VAMP4: variants seen among roughly 807,000 people sequenced by gnomAD.
The protein encoded by VAMP4 is vesicle associated membrane protein 4.
VAMP4 carries 19 observed loss-of-function variants against 23.5 expected under a neutral mutation model. The ratio of observed to expected loss-of-function variants is 0.81; its 90% confidence interval spans 0.56 to 1.19. VAMP4 has a LOEUF of 1.19. VAMP4 is among the 50% of genes most tolerant of loss of function. The probability of loss-of-function intolerance (pLI) is 0.00; values close to 1 mark genes in which losing one functional copy is unlikely to be tolerated. For missense variants in VAMP4, 145 were observed against 168.6 expected (o/e 0.86, Z 0.78); for synonymous variants, 31 against 51.0 (o/e 0.61, Z 1.67).
intron 6 of VAMP4, among the ~76,000 whole-genome samples, chr1:171,707,146 G>T (rs1043597840): frequency 1.3e-5 from 2 of 152,036 alleles, no homozygotes; most frequent in African/African-American, 4.8e-5. Flanking sequence ...CAAATAACAT[G>T]AACAAAAATC....
chr1:171,730,584 T>G (rs1655528899), intron 2 of VAMP4, among the ~76,000 whole-genome samples: 1 of 151,822 alleles, frequency 6.6e-6, no homozygotes, highest in African/African-American at 2.4e-5. Flanking sequence ...GGACTAGAAT[T>G]AAAAAGTAAA....
chr1:171,715,066 G>A (rs1306572654), intron 4 of VAMP4, among the ~76,000 whole-genome samples: 1 of 152,134 alleles, frequency 6.6e-6, no homozygotes, highest in Non-Finnish European at 1.5e-5. Context: ...GGAAATATAT[G>A]TCAGAGGAGG....
At chr1:171,709,215 A>T (rs868336520) in intron 6 of VAMP4, among the ~76,000 whole-genome samples, 4 of 151,792 alleles carry the variant, frequency 2.6e-5, no homozygotes, top group African/African-American at 9.7e-5. Flanking sequence ...TTTTTTCTTA[A>T]CTCCATTTGT....
At chr1:171,737,087 C>G (rs1048178606) in intron 2 of VAMP4, among the ~76,000 whole-genome samples, 1 of 152,150 alleles carries the variant, frequency 6.6e-6, no homozygotes, top group African/African-American at 2.4e-5. Flanking sequence ...AAACTTATGA[C>G]TAAAAGTCAT....
chr1:171,717,579 A>G (rs1318893630), intron 4 of VAMP4, among the ~76,000 whole-genome samples: 1 of 151,974 alleles, frequency 6.6e-6, no homozygotes, highest in East Asian at 1.9e-4. Context: ...CCTTTGCAAT[A>G]GAGTATCCCA....
intron 3 of VAMP4, among the ~76,000 whole-genome samples, chr1:171,723,550 C>T (rs896505714): frequency 3.3e-5 from 5 of 152,212 alleles, no homozygotes; most frequent in African/African-American, 1.2e-4. Context: ...TGGCTCTGTT[C>T]TGCCCAGCTT....
At chr1:171,740,109 G>C (rs1030363574) in intron 1 of VAMP4, among the ~76,000 whole-genome samples, 1 of 152,128 alleles carries the variant, frequency 6.6e-6, no homozygotes, top group Non-Finnish European at 1.5e-5. Context: ...CAAGAAACTA[G>C]GAGAAAACTA....
chr1:171,711,208 A>G (rs950910263), intron 4 of VAMP4, among the ~76,000 whole-genome samples: 9 of 152,142 alleles, frequency 5.9e-5, no homozygotes, highest in African/African-American at 2.2e-4. Context: ...CTTTTGCCAT[A>G]TATTTCATAC....
At chr1:171,728,049 T>C (rs967585742) in intron 3 of VAMP4, among the ~76,000 whole-genome samples, 1 of 152,162 alleles carries the variant, frequency 6.6e-6, no homozygotes, top group Non-Finnish European at 1.5e-5. Flanking sequence ...GGTTTTGCTT[T>C]CCACAGTTTC....
At position 171,702,069 on chromosome 1, in the gene VAMP4, T is replaced by C. The variant is rs1157284986; in HGVS notation, c.*2437A>G. On this transcript the variant is annotated 3_prime_UTR_variant, in exon 8 of 8. Transcript: ENST00000236192. ...TGGTGGTAAAACTTCATTTTTCAAG[T>C]GCAGGATGATCTGAGCTGAATGAGA... 6.6e-6 allele frequency: 1 copy of C among 152,078 alleles called. No homozygotes were observed. The highest frequency in any genetic ancestry group is 1.5e-5 in the Non-Finnish European group (1 of 67,938). 9.4% of individuals were successfully genotyped at this position (152,078 alleles called of 1,614,324 possible).
chr1:171,740,236 T>A (rs948366706), intron 1 of VAMP4, among the ~76,000 whole-genome samples: 4 of 152,232 alleles, frequency 2.6e-5, no homozygotes, highest in African/African-American at 9.6e-5. Flanking sequence ...TAGTTGCCCA[T>A]CAGGTTTACA....
At chr1:171,728,035 C>T (rs1222499184) in intron 3 of VAMP4, among the ~76,000 whole-genome samples, 1 of 152,084 alleles carries the variant, frequency 6.6e-6, no homozygotes, top group Non-Finnish European at 1.5e-5. Flanking sequence ...TCTCTCTCAC[C>T]CATGGTTTTG....
intron 2 of VAMP4, among the ~76,000 whole-genome samples, chr1:171,734,597 T>C (rs746057762): frequency 1.3e-5 from 2 of 152,214 alleles, no homozygotes; most frequent in Middle Eastern, 3.2e-3. Context: ...GTGAATTGTA[T>C]GGTACGTGAC....
At chr1:171,736,582 T>C (rs1655748060) in intron 2 of VAMP4, among the ~76,000 whole-genome samples, 1 of 152,192 alleles carries the variant, frequency 6.6e-6, no homozygotes, top group Non-Finnish European at 1.5e-5. Flanking sequence ...CATTGGTGAC[T>C]CCTTAAAGTT....
chr1:171,741,064 CTGTT>C (rs1655906900), intron 1 of VAMP4, among the ~76,000 whole-genome samples: 1 of 152,176 alleles, frequency 6.6e-6, no homozygotes. Flanking sequence ...GTGAATTCAG[CTGTT>C]TGTGACTAGG....
At chr1:171,725,871 A>G (rs142875650) in intron 3 of VAMP4, among the ~76,000 whole-genome samples, 1 of 151,960 alleles carries the variant, frequency 6.6e-6, no homozygotes, top group East Asian at 1.9e-4. Context: ...TTGTATTTTC[A>G]GCAGAGACGT....
chr1:171,736,245 A>C (rs1655737082), intron 2 of VAMP4, among the ~76,000 whole-genome samples: 1 of 152,054 alleles, frequency 6.6e-6, no homozygotes, highest in Non-Finnish European at 1.5e-5. Flanking sequence ...GGTATATCAA[A>C]TTTTCTGAAT....
In VAMP4 at chr1:171,704,433, G is replaced by GT; in HGVS notation, c.*72dup. The GT allele has an allele frequency of 7.4e-7, 1 of 1,350,534 alleles. No homozygotes were observed. Among genetic ancestry groups the GT allele is most frequent in the Non-Finnish European group, 1.0e-6 (1 of 997,556 alleles). 83.7% of individuals were successfully genotyped at this position (1,350,534 alleles called of 1,614,324 possible). ...AGTTTTGAAAGTTATATACACATAG[G>GT]TTTCATTTAAATTATGCAGCAATCT... is the stretch of plus-strand genomic sequence containing the variant. On this transcript the variant is annotated 3_prime_UTR_variant, in exon 8 of 8. Transcript: ENST00000236192.
intron 4 of VAMP4, among the ~76,000 whole-genome samples, chr1:171,717,080 A>G (rs1321243125): frequency 2.0e-5 from 3 of 152,162 alleles, no homozygotes; most frequent in Non-Finnish European, 4.4e-5. Context: ...TACTCTGTAC[A>G]ACTGGTGGTG....
Sources: allele counts gnomAD v4.1 joint callset (sites outside exome capture counted in the v4.1 genomes callset), GRCh38; gene constraint gnomAD v4.1.1; transcripts MANE v1.5; gene names NCBI Gene and HGNC (gene_info 2026-07-23, HGNC 2026-07-21).